The following P4HA2 variants were observed in gnomAD, a reference collection of about 807,000 sequenced individuals.
P4HA2 encodes prolyl 4-hydroxylase subunit alpha 2.
A neutral mutation model predicts 76.9 loss-of-function variants in P4HA2; 46 were observed. The observed-to-expected ratio is 0.60, with a 90% CI of 0.47 to 0.76. The LOEUF (loss-of-function observed/expected upper bound fraction) is 0.76, where lower values mean the gene tolerates loss of function less well. P4HA2 is among the 30% of genes least tolerant of loss of function. The pLI is 0.00. For synonymous variants in P4HA2, 243 were observed against 254.0 expected (o/e 0.96, Z 0.41); for missense variants, 583 against 669.4 (o/e 0.87, Z 1.42).
At chr5:132,224,162 G>C (rs1425616920) in intron 1 of P4HA2, among the ~76,000 whole-genome samples, 1 of 152,200 alleles carries the variant, frequency 6.6e-6, no homozygotes, top group Non-Finnish European at 1.5e-5. Flanking sequence ...CAAATAACCA[G>C]CCAGTCCAGC....
At chr5:132,202,129 G>T (rs935996424) in intron 10 of P4HA2, 1 of 152,134 alleles carries the variant, frequency 6.6e-6, no homozygotes, top group Admixed American at 6.5e-5. Flanking sequence ...CGCAGCAAGT[G>T]GGAGATGAGG....
Position 132,192,808 on chromosome 5 carries a change from G to T in P4HA2, c.*202C>A, listed in dbSNP as rs201854715. ...TGCAGCCACTTTGATCCTAGCCTTGGGGCCAGGGATGGCACAGGCTGAATG... is the reference window on the plus strand; with the variant it reads ...TGCAGCCACTTTGATCCTAGCCTTGTGGCCAGGGATGGCACAGGCTGAATG... On this transcript the variant is annotated 3_prime_UTR_variant, in exon 15 of 15. Transcript: ENST00000360568. 3.7e-6 allele frequency: 2 copies of T among 538,036 alleles called. No individual in the cohort carries two copies. The highest frequency in any genetic ancestry group is 6.7e-6 in the Non-Finnish European group (2 of 300,508). The allele number at this position is 538,036 out of a possible 1,614,324, so 33.3% of individuals were successfully genotyped here.
intron 6 of P4HA2, among the ~76,000 whole-genome samples, chr5:132,209,849 A>G (rs1752823407): frequency 1.3e-5 from 2 of 151,618 alleles, no homozygotes; most frequent in South Asian, 4.2e-4. Context: ...AGCACAAGGC[A>G]CACAAAGTAT....
chr5:132,198,007 A>T (rs373923082), intron 12 of P4HA2: 6 of 985,430 alleles, frequency 6.1e-6, no homozygotes, highest in Non-Finnish European at 7.2e-6. Context: ...GGAATGTTAA[A>T]GTCCTGCTGG....
chr5:132,199,219 G>A (rs1174699941), intron 10 of P4HA2, among the ~76,000 whole-genome samples: 3 of 152,240 alleles, frequency 2.0e-5, no homozygotes, highest in African/African-American at 7.2e-5. Context: ...AGCCCTTCAT[G>A]GACACTCAGA....
intron 10 of P4HA2, 69 bp downstream of exon 10, chr5:132,203,679 C>T: frequency 1.0e-6 from 1 of 959,364 alleles, no homozygotes; most frequent in Non-Finnish European, 1.7e-6. Flanking sequence ...CAGTTCTGGA[C>T]ACCCTGTGAG....
At chr5:132,209,435 A>C in intron 6 of P4HA2, 104 bp from the exon 7 acceptor site, 1 of 923,994 alleles carries the variant, frequency 1.1e-6, no homozygotes, top group Non-Finnish European at 1.7e-6. Context: ...GCTCACCTGC[A>C]TGCTGCATTC....
intron 7 of P4HA2, 96 bp downstream of exon 7, chr5:132,209,042 A>G: frequency 2.4e-6 from 2 of 836,474 alleles, no homozygotes; most frequent in Non-Finnish European, 3.9e-6. Flanking sequence ...TGAGAAAAGT[A>G]CCTACAGAAT....
At chr5:132,222,271 C>T (rs1754753301) in intron 1 of P4HA2, among the ~76,000 whole-genome samples, 1 of 152,204 alleles carries the variant, frequency 6.6e-6, no homozygotes, top group African/African-American at 2.4e-5. Context: ...CTGAAAGGAC[C>T]TGTGTGTTCA....
intron 12 of P4HA2, chr5:132,198,047 G>A (rs1750928492): frequency 1.0e-6 from 1 of 985,262 alleles, no homozygotes; most frequent in Non-Finnish European, 1.2e-6. Flanking sequence ...TAGAAACAGA[G>A]GCCAACTCTC....
Position 132,204,113 on chromosome 5 carries a change from G to GGA in P4HA2, c.1118_1119dup (p.Leu374SerfsTer15). On this transcript the variant is annotated frameshift_variant, in exon 9 of 15. Transcript: ENST00000360568. LOFTEE classifies it high-confidence loss of function. ...GAAACCCGGTAGCTGGCGACAGTGA[G>GGA]GACTCCTGTCTTGGGATCACGAACG... 1 of 1,613,850 alleles carries GGA rather than the reference G, an allele frequency of 6.2e-7. No individual in the cohort carries two copies. The highest frequency in any genetic ancestry group is 8.5e-7 in the Non-Finnish European group (1 of 1,179,696).
chr5:132,203,890 A>C, intron 9 of P4HA2, 43 bp from the exon 10 acceptor site: 1 of 1,455,148 alleles, frequency 6.9e-7, no homozygotes. Context: ...ACGGAAGGGC[A>C]GGCTTCCATG....
intron 1 of P4HA2, among the ~76,000 whole-genome samples, chr5:132,226,038 T>A (rs1755346738): frequency 2.6e-5 from 4 of 151,622 alleles, no homozygotes; most frequent in Admixed American, 2.0e-4. Flanking sequence ...ATTCTGTGAG[T>A]GGGGAGAAGC....
chr5:132,202,414 A>G (rs928185538), intron 10 of P4HA2: 1 of 152,228 alleles, frequency 6.6e-6, no homozygotes, highest in African/African-American at 2.4e-5. Context: ...AATCTTTTCC[A>G]AATGATCTTT....
chr5:132,199,311 G>A (rs1348908052), intron 10 of P4HA2: 1 of 207,108 alleles, frequency 4.8e-6, no homozygotes. Context: ...GTAATCCAGA[G>A]GAAAGTGAGT....
chr5:132,217,639 C>T, intron 3 of P4HA2, 113 bp downstream of exon 3: 1 of 770,050 alleles, frequency 1.3e-6, no homozygotes, highest in Non-Finnish European at 2.3e-6. Context: ...CAGGCCAGCC[C>T]CACATCACCC....
chr5:132,214,182 G>A, intron 4 of P4HA2, 129 bp from the exon 5 acceptor site: 4 of 861,146 alleles, frequency 4.6e-6, no homozygotes, highest in East Asian at 2.6e-5. Flanking sequence ...CTCAAAGGCT[G>A]TTGCCCCCTT....
At chr5:132,200,708 A>G (rs1035660779) in intron 10 of P4HA2, 1 of 152,078 alleles carries the variant, frequency 6.6e-6, no homozygotes, top group Non-Finnish European at 1.5e-5. Flanking sequence ...TTTAAACACA[A>G]CTGTGACTGC....
At chr5:132,204,008 C>G in intron 9 of P4HA2, 74 bp downstream of exon 9, 1 of 1,328,648 alleles carries the variant, frequency 7.5e-7, no homozygotes, top group Non-Finnish European at 1.1e-6. Context: ...GGCAAGCCAC[C>G]CATCCCTAGG....
Sources: allele counts gnomAD v4.1 joint callset (sites outside exome capture counted in the v4.1 genomes callset), GRCh38; gene constraint gnomAD v4.1.1; transcripts MANE v1.5; gene names NCBI Gene and HGNC (gene_info 2026-07-23, HGNC 2026-07-21).